FNDC3B: variants seen among roughly 807,000 people sequenced by gnomAD.
FNDC3B encodes the protein fibronectin type III domain containing 3B.
A neutral mutation model predicts 151.5 loss-of-function variants in FNDC3B; 12 were observed. The ratio of observed to expected loss-of-function variants is 0.08; its 90% CI spans 0.05 to 0.13. The LOEUF (loss-of-function observed/expected upper bound fraction) is 0.13, where lower values mean the gene tolerates loss of function less well. FNDC3B is among the 10% of genes least tolerant of loss of function. FNDC3B has a pLI of 1.00. For synonymous variants in FNDC3B, 528 were observed against 549.0 expected (o/e 0.96, Z 0.54); for missense variants, 1,214 against 1,505.3 (o/e 0.81, Z 3.20).
chr3:172,366,937 T>C (rs1734654223), intron 23 of FNDC3B, among the ~76,000 whole-genome samples: 1 of 152,208 alleles, frequency 6.6e-6, no homozygotes, highest in Non-Finnish European at 1.5e-5. Flanking sequence ...CTCTATTTTG[T>C]TATTTTCAGA....
intron 1 of FNDC3B, among the ~76,000 whole-genome samples, chr3:172,054,184 CT>C (rs1268747463): frequency 6.6e-6 from 1 of 152,146 alleles, no homozygotes; most frequent in Non-Finnish European, 1.5e-5. Flanking sequence ...AAGGTTAATA[CT>C]TTTAGGTGGT....
intron 7 of FNDC3B, among the ~76,000 whole-genome samples, chr3:172,289,938 C>T (rs1253034627): frequency 6.6e-6 from 1 of 152,110 alleles, no homozygotes; most frequent in African/African-American, 2.4e-5. Context: ...CTACCTGGGA[C>T]TATATGAGAA....
chr3:172,310,864 C>G lies in FNDC3B; in HGVS notation c.1237C>G (p.Leu413Val), dbSNP rs371840504. 4.3e-6 allele frequency: 7 copies of G among 1,611,866 alleles called. No homozygotes were observed. Among genetic ancestry groups the G allele is most frequent in the Non-Finnish European group, 5.9e-6 (7 of 1,177,944 alleles). The change falls in exon 11 of 26, where the codon CTT becomes GTT. Residue 413 changes from leucine (L) to valine (V), a missense_variant. Physicochemically the swap from Leu to Val is conservative, Grantham distance 32. Around this residue, in one of 7 missense-constraint regions of FNDC3B, gnomAD observed 156 missense variants for 225.3 expected, o/e 0.69. Coordinates refer to ENST00000415807, the MANE Select transcript of FNDC3B (RefSeq NM_022763.4). ...CAACGGTTCAAAAATCACCAACTACCTTTTAGAGTGGGATGAGGTAAGCTT... is the reference window on the plus strand; with the variant it reads ...CAACGGTTCAAAAATCACCAACTACGTTTTAGAGTGGGATGAGGTAAGCTT... ...IDNGSKITNY[L>V]LEWDEGKRNS...
intron 15 of FNDC3B, among the ~76,000 whole-genome samples, chr3:172,336,236 G>A (rs1732959089): frequency 6.6e-6 from 1 of 152,176 alleles, no homozygotes; most frequent in Non-Finnish European, 1.5e-5. Context: ...TCTCCGCTAT[G>A]TCTAAGAATA....
At chr3:172,142,221 C>T (rs1268389259) in intron 3 of FNDC3B, among the ~76,000 whole-genome samples, 1 of 152,092 alleles carries the variant, frequency 6.6e-6, no homozygotes, top group Admixed American at 6.6e-5. Flanking sequence ...TTGACCCCCC[C>T]TTCATTTTTT....
chr3:172,214,143 C>T (rs753004954), intron 3 of FNDC3B, among the ~76,000 whole-genome samples: 6 of 152,136 alleles, frequency 3.9e-5, no homozygotes, highest in East Asian at 1.9e-4. Context: ...CTTGATCAGA[C>T]GCCAAACACT....
At chr3:172,258,409 C>A (rs1193777385) in intron 6 of FNDC3B, among the ~76,000 whole-genome samples, 1 of 152,102 alleles carries the variant, frequency 6.6e-6, no homozygotes, top group Non-Finnish European at 1.5e-5. Flanking sequence ...GGTGGTCCTC[C>A]CTGGCATTTT....
intron 2 of FNDC3B, among the ~76,000 whole-genome samples, chr3:172,123,454 T>G (rs1720655683): frequency 6.6e-6 from 1 of 152,158 alleles, no homozygotes; most frequent in Non-Finnish European, 1.5e-5. Flanking sequence ...TAAAATGTTT[T>G]TGTGTTTTCT....
At chr3:172,266,777 G>A (rs913730839) in intron 6 of FNDC3B, among the ~76,000 whole-genome samples, 7 of 152,128 alleles carry the variant, frequency 4.6e-5, no homozygotes, top group Non-Finnish European at 2.9e-5. Flanking sequence ...AAGAATACAT[G>A]TGATCTCATT....
At chr3:172,318,875 A>T (rs1483725028) in intron 11 of FNDC3B, among the ~76,000 whole-genome samples, 1 of 152,180 alleles carries the variant, frequency 6.6e-6, no homozygotes, top group Non-Finnish European at 1.5e-5. Context: ...TCAGAAAGCC[A>T]AGAGAATTGC....
At chr3:172,316,000 CTTTTT>C (rs555242809) in intron 11 of FNDC3B, among the ~76,000 whole-genome samples, 2 of 79,884 alleles carry the variant, frequency 2.5e-5, no homozygotes, top group Non-Finnish European at 5.2e-5. Flanking sequence ...CTTTCTTCTT[CTTTTT>C]TTTTTTTTTT....
chr3:172,126,996 C>T (rs769922240), intron 2 of FNDC3B: 2 of 456,598 alleles, frequency 4.4e-6, no homozygotes, highest in South Asian at 3.1e-5. Flanking sequence ...AATGTGAATG[C>T]ATTGGGAGGT....
chr3:172,155,961 C>T (rs1397569673), intron 3 of FNDC3B, among the ~76,000 whole-genome samples: 1 of 152,154 alleles, frequency 6.6e-6, no homozygotes, highest in African/African-American at 2.4e-5. Context: ...TAACTATATG[C>T]TTTTTTCCTC....
chr3:172,098,834 C>T (rs1436840307), intron 1 of FNDC3B, among the ~76,000 whole-genome samples: 4 of 152,164 alleles, frequency 2.6e-5, no homozygotes, highest in African/African-American at 9.7e-5. Flanking sequence ...GTCCACCATC[C>T]TTGCTGCCTT....
intron 9 of FNDC3B, among the ~76,000 whole-genome samples, chr3:172,300,297 T>A (rs754679443): frequency 1.3e-5 from 2 of 152,264 alleles, no homozygotes; most frequent in Non-Finnish European, 2.9e-5. Flanking sequence ...ATTGTTAACA[T>A]ATGTTTCTTT....
chr3:172,051,440 T>C (rs1054696761), intron 1 of FNDC3B, among the ~76,000 whole-genome samples: 1 of 152,206 alleles, frequency 6.6e-6, no homozygotes, highest in Admixed American at 6.5e-5. Context: ...TAATCGTGGG[T>C]ACACAGTAAA....
chr3:172,088,797 A>G (rs908332165), intron 1 of FNDC3B, among the ~76,000 whole-genome samples: 2 of 152,228 alleles, frequency 1.3e-5, no homozygotes, highest in African/African-American at 4.8e-5. Flanking sequence ...TAAATTCTAC[A>G]AAAGGTAGCC....
chr3:172,372,733 T>C (rs965606970), intron 23 of FNDC3B, among the ~76,000 whole-genome samples: 2 of 152,138 alleles, frequency 1.3e-5, no homozygotes, highest in African/African-American at 4.8e-5. Context: ...CAGGATACAA[T>C]TCAGATCCCC....
At position 172,346,399 on chromosome 3, in the gene FNDC3B, A is replaced by G; in HGVS notation, c.2323A>G (p.Ile775Val). The change falls in exon 20 of 26, where the codon ATT becomes GTT. Residue 775 changes from isoleucine (I) to valine (V), a missense_variant. By Grantham distance (29) the Ile-to-Val change is conservative (BLOSUM62 3). Transcript: ENST00000415807. The part of the protein sequence containing the change: ...GPPGQCKAPC[I>V]SCTPDGCVLV... The stretch of plus-strand genomic sequence containing the variant: ...TCCTGGACAATGCAAAGCACCTTGT[A>G]TTTCTTGTACACCTGATGGATGTGT... The G allele has an allele frequency of 6.2e-7, 1 of 1,613,652 alleles. No individual in the cohort carries two copies. The highest frequency in any genetic ancestry group is 1.1e-5 in the South Asian group (1 of 91,048).
Sources: gnomAD v4.1 joint callset for allele counts (sites outside exome capture counted in the v4.1 genomes callset) on GRCh38, gnomAD v4.1.1 for gene constraint, gnomAD v4.1.1 regional missense constraint, MANE v1.5 for transcripts, NCBI Gene and HGNC (gene_info 2026-07-23, HGNC 2026-07-21) for gene names.